Variants in PPID observed in about 807,000 individuals in gnomAD.
The protein encoded by PPID is peptidylprolyl isomerase D.
A neutral mutation model predicts 48.1 loss-of-function variants in PPID; 47 were observed. The observed-to-expected ratio is 0.98, with a 90% CI of 0.77 to 1.25. PPID has a LOEUF of 1.25. PPID is among the 50% of genes most tolerant of loss of function. The pLI is 0.00. For synonymous variants in PPID, 163 were observed against 148.8 expected (o/e 1.10, Z -0.69); for missense variants, 429 against 443.5 (o/e 0.97, Z 0.29).
chr4:158,722,064 G>A (rs1290217709), intron 1 of PPID, among the ~76,000 whole-genome samples: 3 of 152,076 alleles, frequency 2.0e-5, no homozygotes, highest in African/African-American at 7.2e-5. Flanking sequence ...CATTTCCTTT[G>A]AATATACTCA....
At chr4:158,715,777 TCA>T (rs1161465935) in intron 4 of PPID, 93 bp from the exon 5 acceptor site, 5 of 1,397,460 alleles carry the variant, frequency 3.6e-6, no homozygotes, top group Non-Finnish European at 3.0e-6. Context: ...ACTGTCCAAT[TCA>T]CAGATTTATG....
Position 158,710,674 on chromosome 4 carries a change from T to C in PPID, c.982-4A>G. 1 of 1,613,696 alleles carries C rather than the reference T, an allele frequency of 6.2e-7. No homozygotes were observed. Among genetic ancestry groups the C allele is most frequent in the African/African-American group, 1.3e-5 (1 of 75,018 alleles). ...CCTGAGCTTTCTTAAGATCAGCCTT[T>C]AATTGGAAAAAAACATTTAAGTTAG... On this transcript the variant is annotated splice_region_variant and splice_polypyrimidine_tract_variant and intron_variant, in intron 8 of 9. Coordinates refer to ENST00000307720, the MANE Select transcript of PPID (RefSeq NM_005038.3).
chr4:158,713,188 A>G lies in PPID; in HGVS notation c.825T>C (p.Cys275=), dbSNP rs149337294. 5.1e-4 allele frequency: 829 copies of G among 1,614,022 alleles called. 6 individuals are homozygous for G. Among genetic ancestry groups the G allele is most frequent in the Non-Finnish European group, 3.7e-5 (44 of 1,179,932 alleles). Reference sequence around the variant, plus strand: ...GTTTACAAGCACCAATATTCAGTACACAGCTTAAAGCTATAGGTTGCAGCT... The same window carrying G: ...GTTTACAAGCACCAATATTCAGTACGCAGCTTAAAGCTATAGGTTGCAGCT... ...RAKLQPIALS[C]VLNIGACKLK... is the part of the protein sequence containing the mutation. Residue 275 remains cysteine (C), a synonymous_variant, in exon 7 of 10, where the codon TGT becomes TGC. Coordinates refer to ENST00000307720, the MANE Select transcript of PPID (RefSeq NM_005038.3).
intron 2 of PPID, among the ~76,000 whole-genome samples, chr4:158,720,639 A>T (rs1400666892): frequency 6.6e-6 from 1 of 152,226 alleles, no homozygotes; most frequent in East Asian, 1.9e-4. Flanking sequence ...CCATGTGCCC[A>T]AAACACTGAA....
intron 6 of PPID, among the ~76,000 whole-genome samples, chr4:158,715,060 A>G (rs2126331866): frequency 6.6e-6 from 1 of 152,366 alleles, no homozygotes; most frequent in East Asian, 1.9e-4. Context: ...GTAAACAGCA[A>G]AAGTTAAAAA....
intron 9 of PPID, chr4:158,710,323 C>A: frequency 2.2e-6 from 1 of 462,516 alleles, no homozygotes; most frequent in Non-Finnish European, 3.8e-6. Context: ...AATAGGAACA[C>A]AGTCTCAAAG....
At chr4:158,719,079 C>CT in intron 3 of PPID, 101 bp downstream of exon 3, 3 of 706,168 alleles carry the variant, frequency 4.2e-6, no homozygotes, top group Non-Finnish European at 4.7e-6. Flanking sequence ...AATGGAGAAT[C>CT]TAAGCACACT....
chr4:158,709,842 A>G lies in PPID; in HGVS notation c.1025-18T>C, dbSNP rs770529925. On this transcript the variant is annotated intron_variant, in intron 9 of 9. Transcript: ENST00000307720. ...CTGGATAGCTGTAAAATAAATATGC[A>G]ATGTGAGTTATTTCTCAAAATATCC... The G allele has an allele frequency of 1.2e-5, 19 of 1,568,076 alleles. No individual in the cohort carries two copies. The highest frequency in any genetic ancestry group is 1.7e-5 in the Admixed American group (1 of 59,312).
At chr4:158,711,342 C>G (rs1488674823) in intron 7 of PPID, among the ~76,000 whole-genome samples, 1 of 152,020 alleles carries the variant, frequency 6.6e-6, no homozygotes. Context: ...CCTCCCACCT[C>G]AGCCTCCAAG....
Position 158,710,836 on chromosome 4 carries a change from C to G in PPID, c.907G>C (p.Asp303His), listed in dbSNP as rs1345291158. 5 of 1,612,002 alleles carry G rather than the reference C, an allele frequency of 3.1e-6. No homozygotes were observed. In the South Asian group the frequency reaches 5.5e-5, roughly 18 times the overall value. ...TACAATGCTTTGGTATTTGATGGGT[C>G]TAGTTCAAGAGCCTACAAAAAAGTA... ...IDSCLEALEL[D>H]PSNTKALYRR... Residue 303 changes from aspartate to histidine, a missense_variant, in exon 8 of 10, where the codon GAC becomes CAC. Physicochemically the swap from Asp to His is moderately conservative, Grantham distance 81 (BLOSUM62 -1). Coordinates refer to ENST00000307720, the MANE Select transcript of PPID (RefSeq NM_005038.3).
Position 158,719,097 on chromosome 4 carries a change from T to C in PPID, c.333+83A>G, listed in dbSNP as rs1339169833. ...GGAGAATCTAAGCACACTTGAAACA[T>C]TTTTTGGTGTCTTAATCCAACAAGT... On this transcript the variant is annotated intron_variant, in intron 3 of 9. Coordinates refer to ENST00000307720, the MANE Select transcript of PPID (RefSeq NM_005038.3). 7 of 852,866 alleles carry C rather than the reference T, an allele frequency of 8.2e-6. No homozygotes were observed. The East Asian group carries it at 1.1e-4, about 13-fold the overall frequency. 52.8% of individuals were successfully genotyped at this position (852,866 alleles called of 1,614,324 possible).
rs574939780 is a variant in PPID at position 158,723,371 on chromosome 4, G to T, written c.-83C>A. ...CGCCCAAACTCCAGAGTCCGTCTCC[G>T]CCGGAGACCGGCAGCGACGCTGACC... On this transcript the variant is annotated 5_prime_UTR_variant, in exon 1 of 10. Transcript: ENST00000307720. 1.4e-6 allele frequency: 2 copies of T among 1,382,778 alleles called. No individual in the cohort carries two copies. The highest frequency in any genetic ancestry group is 1.4e-5 in the African/African-American group (1 of 69,404). 85.7% of individuals were successfully genotyped at this position (1,382,778 alleles called of 1,614,324 possible).
chr4:158,710,644 T>TA lies in PPID; in HGVS notation c.1007dup (p.Ala337SerfsTer5), dbSNP rs1172128364. ...CCAACTTACCTTTATCTTCTGGTGC[T>TA]ATCCCCTGAGCTTTCTTAAGATCAG... On this transcript the variant is annotated frameshift_variant, in exon 9 of 10. Transcript: ENST00000307720. LOFTEE classifies it high-confidence loss of function. 1 of 1,613,828 alleles carries TA rather than the reference T, an allele frequency of 6.2e-7. No individual in the cohort carries two copies. The highest frequency in any genetic ancestry group is 8.5e-7 in the Non-Finnish European group (1 of 1,179,902).
At chr4:158,720,324 T>C (rs1774936605) in intron 2 of PPID, among the ~76,000 whole-genome samples, 1 of 151,742 alleles carries the variant, frequency 6.6e-6, no homozygotes, top group African/African-American at 2.4e-5. Context: ...ATATTTCAAG[T>C]TTTTATTAAA....
At chr4:158,709,867 CAAA>C (rs17843960) in intron 9 of PPID, 43 bp from the exon 10 acceptor site, 1 of 1,478,934 alleles carries the variant, frequency 6.8e-7, no homozygotes, top group Non-Finnish European at 9.3e-7. Context: ...TCAAAATATC[CAAA>C]AAATTATGGT....
At chr4:158,711,071 C>T (rs1489133078) in intron 7 of PPID, among the ~76,000 whole-genome samples, 2 of 152,234 alleles carry the variant, frequency 1.3e-5, no homozygotes, top group Non-Finnish European at 2.9e-5. Context: ...CCAATATGCT[C>T]CCCACTGTGG....
Position 158,710,688 on chromosome 4 carries a change from C to A in PPID, c.982-18G>T, listed in dbSNP as rs370127943. The A allele has an allele frequency of 1.2e-6, 2 of 1,612,868 alleles. No homozygotes were observed. The highest frequency in any genetic ancestry group is 1.7e-6 in the Non-Finnish European group (2 of 1,179,272). ...AGATCAGCCTTTAATTGGAAAAAAA[C>A]ATTTAAGTTAGGTGTATGATTTATA... On this transcript the variant is annotated intron_variant, in intron 8 of 9. Transcript: ENST00000307720.
chr4:158,718,975 A>T (rs1285369919), intron 3 of PPID, among the ~76,000 whole-genome samples: 1 of 152,250 alleles, frequency 6.6e-6, no homozygotes, highest in Non-Finnish European at 1.5e-5. Context: ...TAAAAACTGG[A>T]TCACAATGAA....
chr4:158,721,475 T>C lies in PPID; in HGVS notation c.94A>G (p.Ile32Val), dbSNP rs1442101224. The C allele has an allele frequency of 3.7e-6, 6 of 1,612,816 alleles. No individual in the cohort carries two copies. Among genetic ancestry groups the C allele is most frequent in the Non-Finnish European group, 5.1e-6 (6 of 1,179,532 alleles). ...VDIGGERVGR[I>V]VLELFADIVP... ...ATATCTGCAAACAATTCTAAGACAATTCGACCAACTAAAAGAAAAGAAAAT... is the reference window on the plus strand; with the variant it reads ...ATATCTGCAAACAATTCTAAGACAACTCGACCAACTAAAAGAAAAGAAAAT... Residue 32 changes from isoleucine to valine, a missense_variant, in exon 2 of 10, where the codon ATT becomes GTT. Physicochemically the swap from Ile to Val is conservative, Grantham distance 29. Transcript: ENST00000307720.
Sources: gnomAD v4.1 joint callset for allele counts (sites outside exome capture counted in the v4.1 genomes callset) on GRCh38, gnomAD v4.1.1 for gene constraint, MANE v1.5 for transcripts, NCBI Gene and HGNC (gene_info 2026-07-23, HGNC 2026-07-21) for gene names.